GPATCH2L: variants seen among roughly 807,000 people sequenced by gnomAD.
The protein encoded by GPATCH2L is G-patch domain containing 2 like.
In GPATCH2L, 31 loss-of-function variants were observed where a neutral mutation model predicts 57.4. The ratio of observed to expected loss-of-function variants is 0.54; its 90% CI spans 0.41 to 0.73. The LOEUF (loss-of-function observed/expected upper bound fraction) is 0.73, where lower values mean the gene tolerates loss of function less well. Ranked by LOEUF, GPATCH2L falls within the 30% of genes least tolerant of loss-of-function variation. GPATCH2L has a pLI of 0.00. For synonymous variants in GPATCH2L, 199 were observed against 210.7 expected (o/e 0.94, Z 0.48); for missense variants, 481 against 599.9 (o/e 0.80, Z 2.07).
At chr14:76,162,147 A>G (rs185628830) in intron 2 of GPATCH2L, among the ~76,000 whole-genome samples, 19 of 152,290 alleles carry the variant, frequency 1.2e-4, no homozygotes, top group African/African-American at 4.1e-4. Context: ...TCACGAGGTT[A>G]TAGTCTAACT....
intron 8 of GPATCH2L, among the ~76,000 whole-genome samples, chr14:76,188,651 G>A (rs1399806046): frequency 1.3e-5 from 2 of 151,660 alleles, no homozygotes; most frequent in South Asian, 2.1e-4. Flanking sequence ...CCCATTCTGC[G>A]GGTTGTTTAT....
At chr14:76,231,630 C>CACACACAG (rs1303546364) in intron 2 of GPATCH2L, among the ~76,000 whole-genome samples, 1 of 150,152 alleles carries the variant, frequency 6.7e-6, no homozygotes, top group Non-Finnish European at 1.5e-5. Flanking sequence ...CATACACACA[C>CACACACAG]ACACACACAC....
rs1228267908 is a variant in GPATCH2L at position 76,166,822 on chromosome 14, T to C, written c.727+95T>C. On this transcript the variant is annotated intron_variant, in intron 3 of 9. Coordinates refer to ENST00000261530, the MANE Select transcript of GPATCH2L (RefSeq NM_017926.4). ...ACTCATGGAGAATATGGTGACTGTCTATGGCAGTGGTTCTCAAACTTTAAG... is the reference window on the plus strand; with the variant it reads ...ACTCATGGAGAATATGGTGACTGTCCATGGCAGTGGTTCTCAAACTTTAAG... The C allele has an allele frequency of 6.8e-6, 6 of 882,558 alleles. No homozygotes were observed. In the African/African-American group the frequency reaches 9.8e-5, roughly 14 times the overall value. The allele number at this position is 882,558 out of a possible 1,614,324, so 54.7% of individuals were successfully genotyped here. A position where few individuals can be genotyped will look rare whatever the true frequency, so the allele number is the denominator to read the frequency against.
chr14:76,227,496 T>C (rs1046295218), intron 1 of GPATCH2L, among the ~76,000 whole-genome samples: 1 of 152,124 alleles, frequency 6.6e-6, no homozygotes, highest in Non-Finnish European at 1.5e-5. Flanking sequence ...GTTGATTCCT[T>C]GTGGAGAGAC....
rs1315770474 is a variant in GPATCH2L, at chr14:76,208,230, A to G, written c.*6379A>G. The G allele has an allele frequency of 6.6e-6, 1 of 152,192 alleles. No homozygotes were observed. Among genetic ancestry groups the G allele is most frequent in the African/African-American group, 2.4e-5 (1 of 41,436 alleles). 9.4% of individuals were successfully genotyped at this position (152,192 alleles called of 1,614,324 possible). A position where few individuals can be genotyped will look rare whatever the true frequency, so the allele number is the denominator to read the frequency against. ...CTGACCCCTCAATCAAATGTTTTTA[A>G]TTGAAAGGGGAAAGAAAATATCAGA... is the stretch of plus-strand genomic sequence containing the variant. On this transcript the variant is annotated 3_prime_UTR_variant, in exon 10 of 10. Transcript: ENST00000261530.
chr14:76,201,201 C>T (rs1035114479), intron 9 of GPATCH2L, among the ~76,000 whole-genome samples: 1 of 152,088 alleles, frequency 6.6e-6, no homozygotes, highest in Admixed American at 6.6e-5. Flanking sequence ...GCAGGAAGAG[C>T]GTGGGGTTTA....
At chr14:76,169,811 C>G (rs2139646704) in intron 3 of GPATCH2L, among the ~76,000 whole-genome samples, 1 of 152,268 alleles carries the variant, frequency 6.6e-6, no homozygotes, top group African/African-American at 2.4e-5. Flanking sequence ...TACAGAGAAA[C>G]TAGTTATTAT....
intron 1 of GPATCH2L, among the ~76,000 whole-genome samples, chr14:76,227,376 A>G (rs2040540439): frequency 6.6e-6 from 1 of 152,200 alleles, no homozygotes; most frequent in East Asian, 1.9e-4. Flanking sequence ...AGTGGAGGAA[A>G]GACCCCAGGC....
At chr14:76,215,792 G>T (rs2040486085), downstream of GPATCH2L, among the ~76,000 whole-genome samples, 1 of 149,018 alleles carries the variant, frequency 6.7e-6, no homozygotes, top group South Asian at 2.2e-4. Context: ...GGGAGGGATG[G>T]CATCGGGAGA....
At chr14:76,171,819 T>C in intron 3 of GPATCH2L, 24 bp from the exon 4 acceptor site, 1 of 1,445,452 alleles carries the variant, frequency 6.9e-7, no homozygotes, top group South Asian at 1.4e-5. Context: ...AATTCTAGCT[T>C]ATGATATGAT....
downstream of GPATCH2L, among the ~76,000 whole-genome samples, chr14:76,217,225 G>T (rs80228825): frequency 0.022 from 3,365 of 152,198 alleles, 76 homozygotes; most frequent in South Asian, 0.078. Context: ...TGTTTTTTCT[G>T]CCACCTTTAA....
intron 9 of GPATCH2L, among the ~76,000 whole-genome samples, chr14:76,197,029 C>T (rs1227057965): frequency 6.6e-6 from 1 of 152,104 alleles, no homozygotes; most frequent in African/African-American, 2.4e-5. Flanking sequence ...CATTATTTCA[C>T]CTAATCTTTG....
chr14:76,229,313 T>C (rs2040549856), intron 1 of GPATCH2L, among the ~76,000 whole-genome samples: 1 of 152,212 alleles, frequency 6.6e-6, no homozygotes, highest in South Asian at 2.1e-4. Flanking sequence ...CATGATAGAA[T>C]AAGAAATTCA....
intron 2 of GPATCH2L, 64 bp from the exon 3 acceptor site, chr14:76,166,599 A>G (rs1462851708): frequency 1.9e-6 from 2 of 1,062,088 alleles, no homozygotes; most frequent in African/African-American, 3.1e-5. Flanking sequence ...AACCAAAATA[A>G]GTGTACAGTG....
chr14:76,234,411 G>A (rs573239119), intron 2 of GPATCH2L: 1 of 152,312 alleles, frequency 6.6e-6, no homozygotes, highest in East Asian at 1.9e-4. Flanking sequence ...CTTGCCTCTA[G>A]CCAATAGGAT....
chr14:76,233,105 A>G (rs1159500717), intron 2 of GPATCH2L, among the ~76,000 whole-genome samples: 2 of 152,210 alleles, frequency 1.3e-5, no homozygotes, highest in African/African-American at 2.4e-5. Flanking sequence ...TACACACCCT[A>G]TGACAAATAT....
At chr14:76,177,785 T>G in intron 6 of GPATCH2L, 3 of 702,738 alleles carry the variant, frequency 4.3e-6, no homozygotes, top group Non-Finnish European at 7.4e-6. Context: ...TATTCCCTTC[T>G]TTGTCTTTAC....
rs112905523 is a variant in GPATCH2L, at chr14:76,222,343, G to A, written c.66-7465G>A. Among the ~76,000 whole-genome samples the A allele has an allele frequency of 3.6e-3, 554 of 152,138 alleles. 5 individuals carry two copies. The highest frequency in any genetic ancestry group is 0.013 in the African/African-American group (519 of 41,484). ...AATAGAAGGCTGGGCATGGTGGCTC[G>A]TGCCTGTAATCCTAGTTCTTTGGGA... On this transcript the variant is annotated intron_variant and NMD_transcript_variant, in intron 1 of 3. Transcript: ENST00000556372.
intron 1 of GPATCH2L, among the ~76,000 whole-genome samples, chr14:76,221,086 TG>T (rs1383269130): frequency 6.7e-6 from 1 of 148,724 alleles, no homozygotes; most frequent in Non-Finnish European, 1.5e-5. Context: ...AGCCCCAGGC[TG>T]GGATAAAATG....
Sources: allele counts gnomAD v4.1 joint callset (sites outside exome capture counted in the v4.1 genomes callset), GRCh38; gene constraint gnomAD v4.1.1; transcripts MANE v1.5; gene names NCBI Gene and HGNC (gene_info 2026-07-23, HGNC 2026-07-21).